DHX35: variants seen among roughly 807,000 people sequenced by gnomAD.
DHX35 encodes probable ATP-dependent RNA helicase DHX35.
DHX35 carries 84 observed loss-of-function variants against 99.6 expected under a neutral mutation model. That is an observed-to-expected ratio of 0.84 (90% confidence interval 0.71 to 1.01). The LOEUF (loss-of-function observed/expected upper bound fraction) is 1.01, where lower values mean the gene tolerates loss of function less well. Among genes scored for constraint, DHX35 ranks in the 50% least tolerant of loss-of-function variants. DHX35 has a pLI of 0.00. For missense variants in DHX35, 852 were observed against 888.5 expected (o/e 0.96, Z 0.52); for synonymous variants, 331 against 316.2 (o/e 1.05, Z -0.50).
chr20:39,007,438 G>C (rs2086637663), intron 12 of DHX35, among the ~76,000 whole-genome samples: 1 of 152,156 alleles, frequency 6.6e-6, no homozygotes, highest in Admixed American at 6.5e-5. Context: ...GAGAGCAGAG[G>C]CTTTTCCTTG....
intron 8 of DHX35, among the ~76,000 whole-genome samples, chr20:38,999,711 G>A (rs1285002917): frequency 6.6e-6 from 1 of 152,144 alleles, no homozygotes; most frequent in African/African-American, 2.4e-5. Context: ...TGTCTCCCCT[G>A]CACTATTATG....
chr20:39,023,540 A>G, intron 16 of DHX35, 150 bp from the exon 17 acceptor site: 1 of 617,562 alleles, frequency 1.6e-6, no homozygotes, highest in South Asian at 1.9e-5. Context: ...TTTTGTAGAC[A>G]TGGGGTTTAC....
rs983781672 is a variant in DHX35, at chr20:38,965,102, T to C, written c.40+2695T>C. Among the ~76,000 whole-genome samples, 4 of 63,924 alleles carry C rather than the reference T, an allele frequency of 6.3e-5. No individual in the cohort carries two copies. In the Middle Eastern group the frequency reaches 0.035, roughly 557 times the overall value. 41.9% of individuals were successfully genotyped at this position (63,924 alleles called of 152,430 possible). ...GAGGCCTAGGAGCCAGGCATCAGTG[T>C]TTTTTAAAGTCTCTAAGGAATTCCA... is the stretch of plus-strand genomic sequence containing the variant. On this transcript the variant is annotated intron_variant, in intron 1 of 21. Transcript: ENST00000252011.
chr20:39,017,094 G>T (rs1165205893), intron 14 of DHX35, among the ~76,000 whole-genome samples: 1 of 152,072 alleles, frequency 6.6e-6, no homozygotes, highest in East Asian at 1.9e-4. Flanking sequence ...TGCCCTTGGT[G>T]TCATGTCTAA....
At chr20:38,980,816 C>G (rs1248889257) in intron 3 of DHX35, among the ~76,000 whole-genome samples, 1 of 152,108 alleles carries the variant, frequency 6.6e-6, no homozygotes, top group Non-Finnish European at 1.5e-5. Flanking sequence ...CATCAGTTTT[C>G]TTACTAAGGT....
At chr20:38,977,603 C>A in intron 3 of DHX35, 1 of 304,202 alleles carries the variant, frequency 3.3e-6, no homozygotes, top group Non-Finnish European at 6.3e-6. Context: ...ATGAAACAGG[C>A]ATTTTGGACA....
intron 8 of DHX35, among the ~76,000 whole-genome samples, chr20:38,996,509 G>A (rs1352436008): frequency 1.3e-5 from 2 of 152,136 alleles, no homozygotes; most frequent in Non-Finnish European, 2.9e-5. Flanking sequence ...TGTGAGAGAG[G>A]GCAGTGACTT....
At chr20:39,003,182 G>A (rs1372986616) in intron 10 of DHX35, among the ~76,000 whole-genome samples, 2 of 152,038 alleles carry the variant, frequency 1.3e-5, no homozygotes, top group African/African-American at 4.8e-5. Context: ...TCCATGTCCT[G>A]CACACATGTT....
intron 3 of DHX35, among the ~76,000 whole-genome samples, chr20:38,977,000 A>T (rs774008384): frequency 5.3e-5 from 8 of 152,086 alleles, no homozygotes; most frequent in Admixed American, 1.3e-4. Context: ...AAACCAGTTC[A>T]TCTGTTGTTG....
Position 39,001,862 on chromosome 20 carries a change from CTGG to C in DHX35, c.755+21_755+23del. The C allele has an allele frequency of 6.4e-7, 1 of 1,561,776 alleles. No individual in the cohort carries two copies. Among genetic ancestry groups the C allele is most frequent in the African/African-American group, 1.4e-5 (1 of 73,800 alleles). ...ACAAAGGTTTGATGATGCTTGAATTCTGGATGATGGTGTTTAGAAAACTCAGCC... is the reference window on the plus strand; with the variant it reads ...ACAAAGGTTTGATGATGCTTGAATTCATGATGGTGTTTAGAAAACTCAGCC... On this transcript the variant is annotated intron_variant, in intron 9 of 21. Coordinates refer to ENST00000252011, the MANE Select transcript of DHX35 (RefSeq NM_021931.4).
chr20:38,964,824 A>C (rs1416735036), intron 1 of DHX35, among the ~76,000 whole-genome samples: 1 of 152,182 alleles, frequency 6.6e-6, no homozygotes, highest in African/African-American at 2.4e-5. Flanking sequence ...GAAATTAGAG[A>C]AGGTACTAGT....
chr20:39,028,302 T>G, intron 18 of DHX35, 116 bp from the exon 19 acceptor site: 1 of 972,380 alleles, frequency 1.0e-6, no homozygotes, highest in Admixed American at 1.8e-5. Flanking sequence ...GGAGAGGGTT[T>G]CCAGGTGTCT....
intron 8 of DHX35, among the ~76,000 whole-genome samples, chr20:38,999,553 A>G (rs2086485407): frequency 6.6e-6 from 1 of 151,974 alleles, no homozygotes; most frequent in Admixed American, 6.6e-5. Flanking sequence ...TTAGGCCAAG[A>G]CCTCCATTGC....
chr20:39,003,886 G>A lies in DHX35; in HGVS notation c.990G>A (p.Arg330=), dbSNP rs1467679166. The A allele has an allele frequency of 1.9e-6, 3 of 1,614,050 alleles. No individual in the cohort carries two copies. The highest frequency in any genetic ancestry group is 2.2e-5 in the South Asian group (2 of 91,076). ...TTGAGCAAATGAAAGTGTTTGAAAG[G>A]GTGTCACGCAGTGTCAGAAAGGTGA... ...PSFEQMKVFE[R]VSRSVRKVIV... Residue 330 remains arginine, a synonymous_variant, in exon 11 of 22, where the codon AGG becomes AGA. Coordinates refer to ENST00000252011, the MANE Select transcript of DHX35 (RefSeq NM_021931.4).
intron 17 of DHX35, among the ~76,000 whole-genome samples, chr20:39,024,730 C>CT (rs1425403257): frequency 1.3e-5 from 2 of 152,156 alleles, no homozygotes; most frequent in Non-Finnish European, 2.9e-5. Context: ...ATAATTTACT[C>CT]TAAGACATAA....
chr20:39,030,731 C>A lies in DHX35; in HGVS notation c.1911C>A (p.His637Gln). 6.2e-7 allele frequency: 1 copy of A among 1,614,176 alleles called. No individual in the cohort carries two copies. Among genetic ancestry groups the A allele is most frequent in the South Asian group, 1.1e-5 (1 of 91,082 alleles). Residue 637 changes from histidine to glutamine, a missense_variant, in exon 20 of 22, where the codon CAC becomes CAA. Coordinates refer to ENST00000252011, the MANE Select transcript of DHX35 (RefSeq NM_021931.4). The stretch of plus-strand genomic sequence containing the variant: ...CCATCCGTGATGACCATGAGCTGCA[C>A]ATACACCCTGCGTCAGTCCTCTATG... ...YRTIRDDHEL[H>Q]IHPASVLYAE...
chr20:39,018,653 T>C (rs2086824677), intron 14 of DHX35, 151 bp from the exon 15 acceptor site: 1 of 733,176 alleles, frequency 1.4e-6, no homozygotes, highest in Non-Finnish European at 2.3e-6. Context: ...AATGGCACTC[T>C]AGTGTCAAAT....
chr20:38,962,833 GT>G (rs2085855497), intron 1 of DHX35: 1 of 195,756 alleles, frequency 5.1e-6, no homozygotes, highest in African/African-American at 2.4e-5. Context: ...TCGAATTTTC[GT>G]CTCTGCCTTG....
intron 13 of DHX35, 140 bp downstream of exon 13, chr20:39,010,544 C>A: frequency 8.2e-7 from 1 of 1,216,002 alleles, no homozygotes; most frequent in Non-Finnish European, 1.1e-6. Context: ...TGCAACCAGG[C>A]CCTGTGCAGG....
Sources: allele counts gnomAD v4.1 joint callset (sites outside exome capture counted in the v4.1 genomes callset), GRCh38; gene constraint gnomAD v4.1.1; transcripts MANE v1.5; gene names NCBI Gene and HGNC (gene_info 2026-07-23, HGNC 2026-07-21).